Variants in EPS15 observed in about 807,000 individuals in gnomAD.
EPS15 encodes the protein epidermal growth factor receptor pathway substrate 15.
In EPS15, 72 loss-of-function variants were observed where a neutral mutation model predicts 113.8. That is an observed-to-expected ratio of 0.63 (90% CI 0.52 to 0.77). The LOEUF is 0.77. Among genes scored for constraint, EPS15 ranks in the 30% least tolerant of loss-of-function variants. The pLI, the probability that EPS15 is intolerant of heterozygous loss-of-function variation, is 0.00. For synonymous variants in EPS15, 344 were observed against 363.4 expected, an observed-to-expected ratio of 0.95 and a Z score of 0.61; for missense variants, 1,048 against 1,045.8, an observed-to-expected ratio of 1.00 and a Z score of -0.03.
At chr1:51,420,017 A>G (rs1254392231) in intron 13 of EPS15, among the ~76,000 whole-genome samples, 2 of 151,964 alleles carry the variant, frequency 1.3e-5, no homozygotes, top group Non-Finnish European at 2.9e-5. Flanking sequence ...TTAATCCACT[A>G]TTTTTTTCAT....
intron 1 of EPS15, among the ~76,000 whole-genome samples, chr1:51,508,256 G>A (rs1386156606): frequency 1.3e-3 from 133 of 104,492 alleles, no homozygotes; most frequent in South Asian, 7.7e-3. Flanking sequence ...GAAAGAGAGA[G>A]AGAGAGAGAG....
intron 1 of EPS15, among the ~76,000 whole-genome samples, chr1:51,503,076 G>C (rs1472864606): frequency 6.6e-6 from 1 of 150,806 alleles, no homozygotes; most frequent in African/African-American, 2.4e-5. Context: ...ATTTGTTATA[G>C]CTTTAACAAA....
chr1:51,377,014 C>A (rs1432816002), intron 21 of EPS15, among the ~76,000 whole-genome samples: 1 of 152,004 alleles, frequency 6.6e-6, no homozygotes, highest in Non-Finnish European at 1.5e-5. Flanking sequence ...GCTTGTAATC[C>A]CAGCACTTTG....
At chr1:51,423,097 T>C (rs1433707593) in intron 12 of EPS15, 6 of 701,772 alleles carry the variant, frequency 8.5e-6, no homozygotes, top group Non-Finnish European at 9.8e-6. Context: ...TCAACTGTTT[T>C]GGATACGTAG....
In EPS15 at chr1:51,395,545, C is replaced by T. The variant is rs796855726; in HGVS notation, c.2053-1098G>A. Among the ~76,000 whole-genome samples, 62 of 151,084 alleles carry T rather than the reference C, an allele frequency of 4.1e-4. 1 individual carries two copies. The highest frequency in any genetic ancestry group is 1.4e-3 in the African/African-American group (59 of 41,456). ...ACATACACACACACACACACATATACACAAAGATAGCTTTTTGCTAAGATC... is the reference window on the plus strand; with the variant it reads ...ACATACACACACACACACACATATATACAAAGATAGCTTTTTGCTAAGATC... On this transcript the variant is annotated intron_variant, in intron 20 of 24. Transcript: ENST00000371733.
At chr1:51,434,503 TAG>T (rs1162114930) in intron 12 of EPS15, among the ~76,000 whole-genome samples, 1 of 152,018 alleles carries the variant, frequency 6.6e-6, no homozygotes, top group Non-Finnish European at 1.5e-5. Flanking sequence ...GTCAAAATCA[TAG>T]AGATAGAAAG....
intron 1 of EPS15, 49 bp from the exon 2 acceptor site, chr1:51,481,363 T>C: frequency 2.4e-6 from 2 of 829,058 alleles, no homozygotes; most frequent in Non-Finnish European, 4.2e-6. Flanking sequence ...TTAACTTCTA[T>C]TAACATATTT....
At chr1:51,364,584 C>T (rs1208952174) in intron 22 of EPS15, among the ~76,000 whole-genome samples, 1 of 151,880 alleles carries the variant, frequency 6.6e-6, no homozygotes, top group Non-Finnish European at 1.5e-5. Context: ...AGCCTTGAAC[C>T]CCTGGGCTCT....
chr1:51,369,545 A>C (rs1367188830), intron 21 of EPS15, among the ~76,000 whole-genome samples: 1 of 152,234 alleles, frequency 6.6e-6, no homozygotes, highest in Non-Finnish European at 1.5e-5. Flanking sequence ...AATATATAAA[A>C]GTATAATTTA....
intron 16 of EPS15, among the ~76,000 whole-genome samples, chr1:51,403,841 T>A (rs967899496): frequency 6.6e-6 from 1 of 152,180 alleles, no homozygotes; most frequent in African/African-American, 2.4e-5. Flanking sequence ...CAATCACTTA[T>A]AGTACTATCA....
rs982026337 is a variant in EPS15, at chr1:51,355,724, A to C, written c.*976T>G. The C allele has an allele frequency of 7.4e-5, 14 of 188,690 alleles. No homozygotes were observed. Among genetic ancestry groups the C allele is most frequent in the African/African-American group, 2.8e-4 (12 of 42,676 alleles). 11.7% of individuals were successfully genotyped at this position (188,690 alleles called of 1,614,324 possible). On this transcript the variant is annotated 3_prime_UTR_variant, in exon 25 of 25. Coordinates refer to ENST00000371733, the MANE Select transcript of EPS15 (RefSeq NM_001981.3). ...AAATGAGCCTTCATTAAAAAAAAAA[A>C]AACAAATATATATGAAAAATTAAAG...
intron 17 of EPS15, among the ~76,000 whole-genome samples, chr1:51,403,068 T>G (rs1485105798): frequency 1.3e-5 from 2 of 152,194 alleles, no homozygotes; most frequent in African/African-American, 4.8e-5. Context: ...TAAGGACATT[T>G]TTTTAAAATA....
At chr1:51,500,767 G>A (rs577292609) in intron 1 of EPS15, among the ~76,000 whole-genome samples, 4 of 151,782 alleles carry the variant, frequency 2.6e-5, no homozygotes, top group Admixed American at 6.6e-5. Flanking sequence ...GGAGGATCAC[G>A]AGGTCAGGAG....
intron 21 of EPS15, among the ~76,000 whole-genome samples, chr1:51,386,139 G>A (rs1226901748): frequency 6.6e-6 from 1 of 152,200 alleles, no homozygotes; most frequent in East Asian, 1.9e-4. Flanking sequence ...GAGAAGAGCA[G>A]CTGGCTCATT....
Position 51,358,699 on chromosome 1 carries a change from G to GTTTTTTTTTTTTTT in EPS15, c.2545-1854_2545-1853insAAAAAAAAAAAAAA, listed in dbSNP as rs1181151202. On this transcript the variant is annotated intron_variant, in intron 24 of 24. Coordinates refer to ENST00000371733, the MANE Select transcript of EPS15 (RefSeq NM_001981.3). ...TTCAAGACTCCTTCCAACCAGATTT[G>GTTTTTTTTTTTTTT]TTTTTTTTTGTTTTTTTTTTTTTTT... Among the ~76,000 whole-genome samples, 29 of 129,332 alleles carry GTTTTTTTTTTTTTT rather than the reference G, an allele frequency of 2.2e-4. 1 individual carries two copies. The highest frequency in any genetic ancestry group is 7.6e-4 in the African/African-American group (26 of 34,350). The allele number at this position is 129,332 out of a possible 152,430, so 84.8% of individuals were successfully genotyped here.
Position 51,409,546 on chromosome 1 carries a change from C to T in EPS15, c.1264G>A (p.Glu422Lys), listed in dbSNP as rs1649494622. 6.2e-7 allele frequency: 1 copy of T among 1,612,486 alleles called. No homozygotes were observed. The highest frequency in any genetic ancestry group is 8.5e-7 in the Non-Finnish European group (1 of 1,179,616). The change falls in exon 14 of 25, where the codon GAG becomes AAG. Residue 422 changes from glutamate to lysine, a missense_variant. Glu to Lys is a moderately conservative substitution (Grantham distance 56). Transcript: ENST00000371733. ...CAGCCAGACATTACCAGTTGGGCCT[C>T]CTCAGCACATTTCTTTCTGACTTCC... ...LKEVRKKCAE[E>K]AQLISSLKAE...
chr1:51,376,682 A>C (rs547931483), intron 21 of EPS15, among the ~76,000 whole-genome samples: 5 of 152,146 alleles, frequency 3.3e-5, no homozygotes, highest in East Asian at 1.9e-4. Flanking sequence ...AACAAACAAA[A>C]AAACCCAAAA....
chr1:51,447,836 T>C, intron 9 of EPS15: 1 of 332,442 alleles, frequency 3.0e-6, no homozygotes, highest in Non-Finnish European at 4.3e-6. Context: ...TGCTCTAAAA[T>C]TTTTATCCTT....
chr1:51,504,978 G>A (rs553402030), intron 1 of EPS15, among the ~76,000 whole-genome samples: 6 of 152,162 alleles, frequency 3.9e-5, no homozygotes, highest in South Asian at 4.2e-4. Flanking sequence ...AAAATTAGCC[G>A]GGTGTGGTGG....
Sources: allele counts gnomAD v4.1 joint callset (sites outside exome capture counted in the v4.1 genomes callset), GRCh38; gene constraint gnomAD v4.1.1; transcripts MANE v1.5; gene names NCBI Gene and HGNC (gene_info 2026-07-23, HGNC 2026-07-21).